Variants in AGBL1 observed in about 807,000 individuals in gnomAD.
The protein encoded by AGBL1 is cytosolic carboxypeptidase 4.
AGBL1 carries 130 observed loss-of-function variants against 118.9 expected under a neutral mutation model. The observed-to-expected ratio is 1.09, with a 90% CI of 0.95 to 1.26. AGBL1 has a LOEUF of 1.26. Among genes scored for constraint, AGBL1 ranks in the 50% most tolerant of loss-of-function variants. The probability of loss-of-function intolerance (pLI) is 0.00; values close to 1 mark genes in which losing one functional copy is unlikely to be tolerated. For missense variants in AGBL1, 1,584 were observed against 1,298.1 expected, an observed-to-expected ratio of 1.22 and a Z score of -3.38; for synonymous variants, 555 against 478.9, an observed-to-expected ratio of 1.16 and a Z score of -2.08.
intron 17 of AGBL1, among the ~76,000 whole-genome samples, chr15:86,353,000 T>A (rs2080654666): frequency 6.6e-6 from 1 of 152,218 alleles, no homozygotes; most frequent in Non-Finnish European, 1.5e-5. Flanking sequence ...TATGAAATGA[T>A]ATTAAAAATC....
intron 22 of AGBL1, among the ~76,000 whole-genome samples, chr15:86,811,779 T>C (rs1338602205): frequency 1.3e-5 from 2 of 152,144 alleles, no homozygotes; most frequent in South Asian, 2.1e-4. Context: ...TATGAGTGAG[T>C]CTTCTTAAAC....
rs2079048287 is a variant in AGBL1 at position 86,264,830 on chromosome 15, A to T, written c.1659A>T (p.Gly553=). 2.5e-6 allele frequency: 4 copies of T among 1,591,508 alleles called. No individual in the cohort carries two copies. Among genetic ancestry groups the T allele is most frequent in the Non-Finnish European group, 3.4e-6 (4 of 1,171,888 alleles). ...TTQPMLERKC[G]VQRIRIFEDI... is the part of the protein sequence containing the mutation. ...AGCCTATGTTGGAACGAAAATGTGGAGTCCAAAGGTGATGGCGCTACTGAC... is the reference window on the plus strand; with the variant it reads ...AGCCTATGTTGGAACGAAAATGTGGTGTCCAAAGGTGATGGCGCTACTGAC... Residue 553 remains glycine, a synonymous_variant, in exon 11 of 23, where the codon GGA becomes GGT. Transcript: ENST00000614907.
chr15:86,595,693 G>C (rs143719652), intron 21 of AGBL1, among the ~76,000 whole-genome samples: 1,568 of 152,244 alleles, frequency 0.01, 11 homozygotes, highest in Middle Eastern at 0.017. Context: ...AATTTACTGA[G>C]ATAGTAGTAT....
intron 21 of AGBL1, among the ~76,000 whole-genome samples, chr15:86,664,130 G>A (rs1234613969): frequency 6.6e-6 from 1 of 152,128 alleles, no homozygotes; most frequent in African/African-American, 2.4e-5. Context: ...CAGTTACTAA[G>A]GAAACAATTG....
chr15:86,790,842 T>C (rs1461632507), intron 22 of AGBL1, among the ~76,000 whole-genome samples: 3 of 152,086 alleles, frequency 2.0e-5, no homozygotes, highest in African/African-American at 7.2e-5. Context: ...GAACACACCG[T>C]ATGGCTTCTG....
intron 24 of AGBL1, among the ~76,000 whole-genome samples, chr15:86,992,655 G>A (rs183623646): frequency 9.1e-4 from 138 of 152,186 alleles, no homozygotes; most frequent in African/African-American, 3.2e-3. Context: ...TGGGTTCAGG[G>A]CTGCTGTTTC....
intron 22 of AGBL1, among the ~76,000 whole-genome samples, chr15:86,817,271 T>C (rs1313313854): frequency 7.9e-6 from 1 of 126,312 alleles, no homozygotes; most frequent in Non-Finnish European, 1.6e-5. Flanking sequence ...TAGCCTGGGA[T>C]ACAAGAACAA....
At chr15:86,197,074 T>C (rs2077825419) in intron 5 of AGBL1, among the ~76,000 whole-genome samples, 1 of 152,176 alleles carries the variant, frequency 6.6e-6, no homozygotes, top group South Asian at 2.1e-4. Flanking sequence ...GTCTCTGACA[T>C]TTTATTATGG....
At chr15:86,253,803 G>A (rs1490550769) in intron 7 of AGBL1, among the ~76,000 whole-genome samples, 1 of 152,096 alleles carries the variant, frequency 6.6e-6, no homozygotes, top group East Asian at 1.9e-4. Context: ...CAGTTTGGTA[G>A]GGTTAAGTAC....
rs75615841 is a variant in AGBL1 at position 86,851,230 on chromosome 15, A to G, written c.3159-55857A>G. Among the ~76,000 whole-genome samples, 6 of 152,284 alleles carry G rather than the reference A, an allele frequency of 3.9e-5. No individual in the cohort carries two copies. In the East Asian group the frequency reaches 7.7e-4, roughly 20 times the overall value. On this transcript the variant is annotated intron_variant, in intron 22 of 22. Transcript: ENST00000614907. ...GGAGTGCTGCATATAAAGCCCTGGG[A>G]GAAAATTGAAAGCTGGACCTATGGG... is the stretch of plus-strand genomic sequence containing the variant.
intron 22 of AGBL1, among the ~76,000 whole-genome samples, chr15:86,736,426 C>G (rs2077600195): frequency 6.6e-6 from 1 of 152,030 alleles, no homozygotes; most frequent in African/African-American, 2.4e-5. Context: ...AGATACTCTG[C>G]CTAGTGCACT....
chr15:86,149,678 G>A (rs2077080716), intron 3 of AGBL1, among the ~76,000 whole-genome samples: 2 of 151,978 alleles, frequency 1.3e-5, no homozygotes, highest in Admixed American at 1.3e-4. Flanking sequence ...AATAATAATG[G>A]GAGACTTTAA....
Position 86,914,623 on chromosome 15 carries a change from A to T in AGBL1, c.*7329A>T, listed in dbSNP as rs1434129497. 6.6e-6 allele frequency: 1 copy of T among 152,202 alleles called. No individual in the cohort carries two copies. The highest frequency in any genetic ancestry group is 1.5e-5 in the Non-Finnish European group (1 of 68,036). 9.4% of individuals were successfully genotyped at this position (152,202 alleles called of 1,614,324 possible). On this transcript the variant is annotated 3_prime_UTR_variant, in exon 23 of 23. Transcript: ENST00000614907. ...TCATCATGTTTAAGCCTAAAACTTC[A>T]GCCCAACGAGCTAAACTCTGTTGTT... is the stretch of plus-strand genomic sequence containing the variant.
chr15:87,022,401 G>C (rs1202849476), intron 24 of AGBL1, among the ~76,000 whole-genome samples: 3 of 151,804 alleles, frequency 2.0e-5, no homozygotes, highest in Non-Finnish European at 4.4e-5. Context: ...ATCCAACGAA[G>C]ACAAAGAAAA....
intron 22 of AGBL1, among the ~76,000 whole-genome samples, chr15:86,748,501 C>T (rs1338671064): frequency 5.5e-5 from 2 of 36,060 alleles, no homozygotes; most frequent in Non-Finnish European, 1.3e-4. Flanking sequence ...TCCCATTTGT[C>T]AATTTTGGCT....
At chr15:86,661,892 C>G (rs956775529) in intron 21 of AGBL1, among the ~76,000 whole-genome samples, 13 of 152,174 alleles carry the variant, frequency 8.5e-5, no homozygotes, top group Non-Finnish European at 1.6e-4. Flanking sequence ...GACAATTTCT[C>G]TATTCTCTGC....
chr15:86,820,018 C>G (rs2078917454), intron 22 of AGBL1, among the ~76,000 whole-genome samples: 1 of 152,068 alleles, frequency 6.6e-6, no homozygotes, highest in Admixed American at 6.6e-5. Context: ...CTTTGACAAA[C>G]CTGACAAAAA....
chr15:86,274,993 C>A (rs562632737), intron 15 of AGBL1, among the ~76,000 whole-genome samples: 4 of 152,042 alleles, frequency 2.6e-5, no homozygotes, highest in African/African-American at 9.7e-5. Context: ...AAATGCCCCT[C>A]GAGAGGGAGG....
At chr15:86,277,060 G>T (rs1457626667) in intron 15 of AGBL1, among the ~76,000 whole-genome samples, 2 of 152,004 alleles carry the variant, frequency 1.3e-5, no homozygotes, top group African/African-American at 2.4e-5. Flanking sequence ...TTTGCTTTAG[G>T]TTCAGCCAGA....
Sources: gnomAD v4.1 joint callset for allele counts (sites outside exome capture counted in the v4.1 genomes callset) on GRCh38, gnomAD v4.1.1 for gene constraint, MANE v1.5 for transcripts, NCBI Gene and HGNC (gene_info 2026-07-23, HGNC 2026-07-21) for gene names.